JAZF1: variants seen among roughly 807,000 people sequenced by gnomAD.
JAZF1 encodes JAZF zinc finger 1.
Under a neutral mutation model 26.4 loss-of-function variants are expected in JAZF1, and 8 were observed. That is an observed-to-expected ratio of 0.30 (90% CI 0.18 to 0.55). The LOEUF is 0.55. JAZF1 is among the 20% of genes least tolerant of loss of function. The pLI, the probability that JAZF1 is intolerant of heterozygous loss-of-function variation, is 0.94. For synonymous variants in JAZF1, 126 were observed against 122.3 expected, an observed-to-expected ratio of 1.03 and a Z score of -0.20; for missense variants, 199 against 322.0, an observed-to-expected ratio of 0.62 and a Z score of 2.92.
At chr7:27,970,102 T>G (rs1785349890) in intron 2 of JAZF1, among the ~76,000 whole-genome samples, 1 of 152,112 alleles carries the variant, frequency 6.6e-6, no homozygotes, top group African/African-American at 2.4e-5. Flanking sequence ...ACTAGACACC[T>G]GGAAGTATCT....
intron 2 of JAZF1, among the ~76,000 whole-genome samples, chr7:27,943,051 T>C (rs768412301): frequency 1.3e-5 from 2 of 152,200 alleles, no homozygotes; most frequent in African/African-American, 2.4e-5. Flanking sequence ...GTCACATCGA[T>C]GCGTTCCTGC....
chr7:28,115,610 C>T (rs1438700982), intron 1 of JAZF1, among the ~76,000 whole-genome samples: 1 of 152,154 alleles, frequency 6.6e-6, no homozygotes. Flanking sequence ...CACTGAAATA[C>T]AACTGTAAAG....
At chr7:28,089,100 A>G (rs900786553) in intron 1 of JAZF1, among the ~76,000 whole-genome samples, 1 of 152,260 alleles carries the variant, frequency 6.6e-6, no homozygotes, top group Non-Finnish European at 1.5e-5. Context: ...GAAAATAATA[A>G]AACAGAAACA....
At chr7:28,103,786 T>C (rs1784510106) in intron 1 of JAZF1, among the ~76,000 whole-genome samples, 1 of 152,180 alleles carries the variant, frequency 6.6e-6, no homozygotes, top group South Asian at 2.1e-4. Flanking sequence ...TACTGGACTA[T>C]TGCAATCCCC....
chr7:27,983,813 A>C lies in JAZF1; in HGVS notation c.188+8096T>G, dbSNP rs541656629. ...CCAATATTTAACATTCTTAAAGAAA[A>C]GGATTTTCAACCCAGAATTTCATAG... On this transcript the variant is annotated intron_variant, in intron 2 of 4. Coordinates refer to ENST00000283928, the MANE Select transcript of JAZF1 (RefSeq NM_175061.4). Among the ~76,000 whole-genome samples the C allele has an allele frequency of 2.9e-4, 44 of 152,362 alleles. No homozygotes were observed. The East Asian group carries it at 6.6e-3, about 23-fold the overall frequency.
At chr7:27,889,001 G>C (rs1237764666) in intron 3 of JAZF1, among the ~76,000 whole-genome samples, 2 of 152,136 alleles carry the variant, frequency 1.3e-5, no homozygotes, top group Non-Finnish European at 2.9e-5. Context: ...CAAGGAAACG[G>C]ATTACAGTAA....
chr7:27,935,010 A>G (rs1242531479), intron 2 of JAZF1, among the ~76,000 whole-genome samples: 1 of 152,226 alleles, frequency 6.6e-6, no homozygotes, highest in Non-Finnish European at 1.5e-5. Context: ...AACAATAAAA[A>G]CATAAATAAT....
chr7:28,058,855 T>C (rs1024073221), intron 1 of JAZF1, among the ~76,000 whole-genome samples: 2 of 152,220 alleles, frequency 1.3e-5, no homozygotes, highest in Admixed American at 6.5e-5. Context: ...TCAAGTATTT[T>C]ACATGCCCTT....
intron 1 of JAZF1, among the ~76,000 whole-genome samples, chr7:28,080,933 A>G (rs1784126003): frequency 6.7e-6 from 1 of 149,974 alleles, no homozygotes; most frequent in Admixed American, 6.6e-5. Context: ...ACAATTTGTA[A>G]AAAAAAACAA....
chr7:28,116,419 T>C (rs1784742120), intron 1 of JAZF1, among the ~76,000 whole-genome samples: 1 of 152,202 alleles, frequency 6.6e-6, no homozygotes, highest in Admixed American at 6.5e-5. Context: ...GATCTTTTGG[T>C]AGGTTTGAAA....
intron 1 of JAZF1, among the ~76,000 whole-genome samples, chr7:28,127,023 C>T (rs1218322649): frequency 1.3e-5 from 2 of 152,202 alleles, no homozygotes; most frequent in African/African-American, 4.8e-5. Context: ...ACAGTTTGTT[C>T]CAGACACTCA....
At chr7:28,001,855 T>G (rs1266219326) in intron 1 of JAZF1, among the ~76,000 whole-genome samples, 1 of 151,994 alleles carries the variant, frequency 6.6e-6, no homozygotes, top group African/African-American at 2.4e-5. Flanking sequence ...TAAGATTCGA[T>G]GAAAAAGAAC....
intron 1 of JAZF1, among the ~76,000 whole-genome samples, chr7:28,043,962 G>A (rs957045989): frequency 7.2e-5 from 11 of 152,112 alleles, no homozygotes; most frequent in Non-Finnish European, 1.2e-4. Context: ...GCAGGTTACC[G>A]GTTACCAGGA....
chr7:27,878,803 T>C (rs1414355295), intron 3 of JAZF1, among the ~76,000 whole-genome samples: 1 of 152,196 alleles, frequency 6.6e-6, no homozygotes, highest in Non-Finnish European at 1.5e-5. Flanking sequence ...GACTATCATT[T>C]TAAAAGAGAG....
At chr7:27,966,845 C>T (rs1785285068) in intron 2 of JAZF1, among the ~76,000 whole-genome samples, 1 of 152,142 alleles carries the variant, frequency 6.6e-6, no homozygotes, top group Non-Finnish European at 1.5e-5. Flanking sequence ...GACCTGGTAA[C>T]TTGCAATGAA....
chr7:28,076,552 C>T (rs993807413), intron 1 of JAZF1, among the ~76,000 whole-genome samples: 3 of 151,976 alleles, frequency 2.0e-5, no homozygotes, highest in South Asian at 4.1e-4. Flanking sequence ...GAATGAGATG[C>T]GAATTCTGAA....
chr7:27,949,873 T>G (rs1814574732), intron 2 of JAZF1, among the ~76,000 whole-genome samples: 1 of 152,220 alleles, frequency 6.6e-6, no homozygotes, highest in South Asian at 2.1e-4. Flanking sequence ...CTCATGAATG[T>G]ATGTCAGGAG....
At chr7:28,015,210 C>T (rs971972274) in intron 1 of JAZF1, among the ~76,000 whole-genome samples, 2 of 152,074 alleles carry the variant, frequency 1.3e-5, no homozygotes, top group South Asian at 2.1e-4. Context: ...CCAACAACCA[C>T]GTGGGAAAGA....
chr7:27,982,191 C>A (rs1355114566), intron 2 of JAZF1, among the ~76,000 whole-genome samples: 1 of 152,234 alleles, frequency 6.6e-6, no homozygotes, highest in African/African-American at 2.4e-5. Flanking sequence ...GGGGAATTCC[C>A]TTTCCTAGCA....
Sources: allele counts gnomAD v4.1 joint callset (sites outside exome capture counted in the v4.1 genomes callset), GRCh38; gene constraint gnomAD v4.1.1; transcripts MANE v1.5; gene names NCBI Gene and HGNC (gene_info 2026-07-23, HGNC 2026-07-21).